The following GRIK2 variants were observed in gnomAD, a reference collection of about 807,000 sequenced individuals.
GRIK2 encodes glutamate receptor ionotropic, kainate 2.
A neutral mutation model predicts 100.3 loss-of-function variants in GRIK2; 32 were observed. The observed-to-expected ratio is 0.32, with a 90% CI of 0.24 to 0.43. The LOEUF (loss-of-function observed/expected upper bound fraction) is 0.43. Among genes scored for constraint, GRIK2 ranks in the 20% least tolerant of loss-of-function variants. The pLI is 1.00. For synonymous variants in GRIK2, 417 were observed against 389.4 expected, an observed-to-expected ratio of 1.07 and a Z score of -0.83; for missense variants, 843 against 1,114.9, an observed-to-expected ratio of 0.76 and a Z score of 3.47.
intron 14 of GRIK2, among the ~76,000 whole-genome samples, chr6:101,947,001 C>T (rs1046948633): frequency 8.7e-4 from 133 of 152,130 alleles, no homozygotes; most frequent in African/African-American, 3.1e-3. Context: ...CAAAACGTTG[C>T]TACCTTGTAA....
chr6:101,466,405 TCAA>T (rs1771647324), intron 2 of GRIK2, among the ~76,000 whole-genome samples: 1 of 151,908 alleles, frequency 6.6e-6, no homozygotes, highest in South Asian at 2.1e-4. Context: ...CAGGAACATT[TCAA>T]TGAGCTGAAC....
intron 2 of GRIK2, among the ~76,000 whole-genome samples, chr6:101,463,460 G>A (rs1431467174): frequency 1.3e-5 from 2 of 152,050 alleles, no homozygotes; most frequent in Admixed American, 6.6e-5. Context: ...AACTGAAATA[G>A]GAAGAATATA....
intron 4 of GRIK2, among the ~76,000 whole-genome samples, chr6:101,643,628 T>C (rs1781387781): frequency 6.6e-6 from 1 of 151,578 alleles, no homozygotes; most frequent in African/African-American, 2.4e-5. Flanking sequence ...CTGTTTTAAC[T>C]AGCTTTGTAA....
chr6:101,977,433 G>C (rs1793458470), intron 14 of GRIK2, among the ~76,000 whole-genome samples: 1 of 151,874 alleles, frequency 6.6e-6, no homozygotes, highest in Non-Finnish European at 1.5e-5. Flanking sequence ...ATGTGTGAAA[G>C]GAGATAAGGA....
chr6:101,928,849 A>G (rs1453219622), intron 14 of GRIK2, among the ~76,000 whole-genome samples: 1 of 152,120 alleles, frequency 6.6e-6, no homozygotes, highest in Non-Finnish European at 1.5e-5. Flanking sequence ...TTGCTTTACA[A>G]TATTTTGTTC....
chr6:101,961,024 A>G (rs898446545), intron 14 of GRIK2, among the ~76,000 whole-genome samples: 13 of 152,104 alleles, frequency 8.5e-5, no homozygotes, highest in Admixed American at 7.2e-4. Context: ...AAGTTAATGT[A>G]TCCACCTTGA....
chr6:101,871,652 A>C (rs1301826937), intron 11 of GRIK2, among the ~76,000 whole-genome samples: 2 of 121,282 alleles, frequency 1.6e-5, no homozygotes, highest in African/African-American at 6.2e-5. Context: ...TTTGGCCATT[A>C]GTTCGCTTAG....
chr6:102,054,675 A>C lies in GRIK2; in HGVS notation c.2312-655A>C, dbSNP rs186966826. 4.5e-3 allele frequency among the ~76,000 whole-genome samples: 678 copies of C among 152,288 alleles called. 2 individuals carry two copies. The highest frequency in any genetic ancestry group is 4.7e-3 in the Non-Finnish European group (322 of 68,020). Reference sequence around the variant, plus strand: ...AATAAAACCTTGTCTCCTATAAAATAAATTGATAAAGGAACAACGCCCCAA... The same window carrying C: ...AATAAAACCTTGTCTCCTATAAAATCAATTGATAAAGGAACAACGCCCCAA... On this transcript the variant is annotated intron_variant, in intron 15 of 16. Coordinates refer to ENST00000369134, the MANE Select transcript of GRIK2 (RefSeq NM_021956.5).
At chr6:101,939,680 T>A (rs1285544648) in intron 14 of GRIK2, among the ~76,000 whole-genome samples, 4 of 152,110 alleles carry the variant, frequency 2.6e-5, no homozygotes, top group Non-Finnish European at 5.9e-5. Flanking sequence ...TTAGTGCAGT[T>A]CCATGGTCAC....
At chr6:101,469,701 T>C (rs1771845307) in intron 2 of GRIK2, among the ~76,000 whole-genome samples, 1 of 152,210 alleles carries the variant, frequency 6.6e-6, no homozygotes, top group Non-Finnish European at 1.5e-5. Context: ...GAACAGATTC[T>C]ATAACTTTAC....
At position 101,629,031 on chromosome 6, in the gene GRIK2, A is replaced by G. The variant is rs565910969; in HGVS notation, c.541+2394A>G. Among the ~76,000 whole-genome samples the G allele has an allele frequency of 2.2e-4, 34 of 152,212 alleles. No individual in the cohort carries two copies. In the South Asian group the frequency reaches 5.0e-3, roughly 22 times the overall value. On this transcript the variant is annotated intron_variant, in intron 4 of 16. Coordinates refer to ENST00000369134, the MANE Select transcript of GRIK2 (RefSeq NM_021956.5). ...CAATAATTTGGTAAAATACAGCCTC[A>G]TGTATTTGTTCTATTCCTGCTTTAA...
chr6:101,599,122 C>T (rs1779069361), intron 2 of GRIK2, among the ~76,000 whole-genome samples: 1 of 151,676 alleles, frequency 6.6e-6, no homozygotes. Context: ...TATTTATGTC[C>T]ATGAGCATCC....
intron 2 of GRIK2, among the ~76,000 whole-genome samples, chr6:101,426,888 C>T (rs369790115): frequency 9.9e-5 from 15 of 152,122 alleles, no homozygotes; most frequent in Non-Finnish European, 7.3e-5. Context: ...CCCTTTCCAG[C>T]GGTCCTCTGT....
intron 2 of GRIK2, among the ~76,000 whole-genome samples, chr6:101,554,506 TA>T (rs1245483791): frequency 6.6e-6 from 1 of 152,084 alleles, no homozygotes; most frequent in Non-Finnish European, 1.5e-5. Flanking sequence ...TATAAAGAAA[TA>T]AAAAAATCAC....
chr6:101,976,994 A>G (rs1452887287), intron 14 of GRIK2, among the ~76,000 whole-genome samples: 3 of 151,946 alleles, frequency 2.0e-5, no homozygotes, highest in African/African-American at 4.8e-5. Flanking sequence ...GTGTACATGT[A>G]ATTGTCATGG....
At chr6:102,015,977 C>CAAAT (rs1401777917) in intron 14 of GRIK2, among the ~76,000 whole-genome samples, 1 of 151,968 alleles carries the variant, frequency 6.6e-6, no homozygotes, top group Non-Finnish European at 1.5e-5. Context: ...CCAAGGTCAT[C>CAAAT]AAATAGGATA....
At chr6:101,591,385 C>T (rs1165938912) in intron 2 of GRIK2, among the ~76,000 whole-genome samples, 1 of 151,696 alleles carries the variant, frequency 6.6e-6, no homozygotes. Flanking sequence ...TGCAGATTAT[C>T]TACTACTCTT....
chr6:101,779,783 G>C (rs568498229), intron 7 of GRIK2, among the ~76,000 whole-genome samples: 1 of 151,876 alleles, frequency 6.6e-6, no homozygotes, highest in Non-Finnish European at 1.5e-5. Flanking sequence ...CATATATATG[G>C]GGGTATGTGT....
intron 10 of GRIK2, among the ~76,000 whole-genome samples, chr6:101,831,933 T>G (rs1203746235): frequency 2.0e-5 from 3 of 152,136 alleles, no homozygotes; most frequent in Non-Finnish European, 4.4e-5. Flanking sequence ...TTAGAATGCC[T>G]AAAATATAGT....
Sources: gnomAD v4.1 joint callset for allele counts (sites outside exome capture counted in the v4.1 genomes callset) on GRCh38, gnomAD v4.1.1 for gene constraint, MANE v1.5 for transcripts, NCBI Gene and HGNC (gene_info 2026-07-23, HGNC 2026-07-21) for gene names.